Variants in CCDC3 observed in about 807,000 individuals in gnomAD.
CCDC3 encodes coiled-coil domain-containing protein 3.
In CCDC3, 24 loss-of-function variants were observed where a neutral mutation model predicts 21.4. The ratio of observed to expected loss-of-function variants is 1.12; its 90% CI spans 0.81 to 1.58. CCDC3 has a LOEUF of 1.58. Ranked by LOEUF, CCDC3 falls within the 40% of genes most tolerant of loss-of-function variation. The pLI, the probability that CCDC3 is intolerant of heterozygous loss-of-function variation, is 0.00. For synonymous variants in CCDC3, 186 were observed against 166.0 expected, an observed-to-expected ratio of 1.12 and a Z score of -0.93; for missense variants, 425 against 360.9, an observed-to-expected ratio of 1.18 and a Z score of -1.44.
At chr10:13,052,119 G>C (rs1419345893) in intron 4 of CCDC3, among the ~76,000 whole-genome samples, 2 of 152,144 alleles carry the variant, frequency 1.3e-5, no homozygotes, top group Non-Finnish European at 2.9e-5. Flanking sequence ...ACACACCTGT[G>C]ATCCCAGCGC....
chr10:13,015,754 C>T (rs1186853271), intron 5 of CCDC3, among the ~76,000 whole-genome samples: 2 of 151,964 alleles, frequency 1.3e-5, no homozygotes, highest in African/African-American at 4.8e-5. Context: ...CCGATGAACC[C>T]CCAACTTGGG....
rs923269211 is a variant in CCDC3, at chr10:13,084,412, T to C, written c.-502-10312A>G. Among the ~76,000 whole-genome samples, 8 of 151,610 alleles carry C rather than the reference T, an allele frequency of 5.3e-5. 1 individual carries two copies. In the South Asian group the frequency reaches 1.7e-3, roughly 32 times the overall value. On this transcript the variant is annotated intron_variant, in intron 3 of 6. Transcript: ENST00000378839. ...CAAGCGATTCTTGTGCCTCAGCCTC[T>C]CAAGTAGCTGAGATTACAGGGATGC...
intron 1 of CCDC3, among the ~76,000 whole-genome samples, chr10:12,999,240 CA>C (rs1554760205): frequency 6.6e-6 from 1 of 151,766 alleles, no homozygotes; most frequent in South Asian, 2.1e-4. Context: ...GACGCCATCT[CA>C]AAAAAAGAAC....
intron 5 of CCDC3, among the ~76,000 whole-genome samples, chr10:13,048,205 T>A (rs1836553286): frequency 6.6e-6 from 1 of 152,182 alleles, no homozygotes; most frequent in African/African-American, 2.4e-5. Context: ...CCCAATTATT[T>A]TTTTTTAGAC....
At chr10:13,027,630 G>A (rs1289801083) in intron 5 of CCDC3, among the ~76,000 whole-genome samples, 2 of 151,544 alleles carry the variant, frequency 1.3e-5, no homozygotes, top group Non-Finnish European at 2.9e-5. Flanking sequence ...AGGATTGCTT[G>A]AGCTTGGGAG....
intron 2 of CCDC3, among the ~76,000 whole-genome samples, chr10:12,989,072 G>A (rs1835641877): frequency 6.6e-6 from 1 of 152,210 alleles, no homozygotes; most frequent in Non-Finnish European, 1.5e-5. Flanking sequence ...AGAGTCTCCT[G>A]AGTCTCAGCC....
At chr10:12,909,560 T>G (rs1213540252) in intron 2 of CCDC3, among the ~76,000 whole-genome samples, 1 of 152,172 alleles carries the variant, frequency 6.6e-6, no homozygotes, top group Non-Finnish European at 1.5e-5. Flanking sequence ...AACAGGTCAT[T>G]GGCCCAGTCA....
chr10:12,898,251 C>A lies in CCDC3; in HGVS notation c.*165G>T. On this transcript the variant is annotated 3_prime_UTR_variant, in exon 3 of 3. Coordinates refer to ENST00000378825, the MANE Select transcript of CCDC3 (RefSeq NM_031455.4). ...GTGGGGTCTGACATTGAGGCCAGCACCCAAGGGGAAAGCAAGCCTTGCATT... is the reference window on the plus strand; with the variant it reads ...GTGGGGTCTGACATTGAGGCCAGCAACCAAGGGGAAAGCAAGCCTTGCATT... 1.2e-6 allele frequency: 1 copy of A among 841,548 alleles called. No homozygotes were observed. The highest frequency in any genetic ancestry group is 1.8e-6 in the Non-Finnish European group (1 of 556,098). 52.1% of individuals were successfully genotyped at this position (841,548 alleles called of 1,614,324 possible).
intron 2 of CCDC3, among the ~76,000 whole-genome samples, chr10:12,928,922 G>A (rs937929203): frequency 6.6e-6 from 1 of 152,160 alleles, no homozygotes; most frequent in South Asian, 2.1e-4. Flanking sequence ...GCACCTGGTT[G>A]ACTTCACCTG....
At chr10:13,076,962 C>T (rs1048129641) in intron 3 of CCDC3, among the ~76,000 whole-genome samples, 9 of 152,140 alleles carry the variant, frequency 5.9e-5, no homozygotes, top group African/African-American at 2.2e-4. Context: ...GAGAGGGATG[C>T]CCTCTCTCAC....
intron 4 of CCDC3, among the ~76,000 whole-genome samples, chr10:13,063,394 A>G (rs547334305): frequency 6.6e-6 from 1 of 152,296 alleles, no homozygotes; most frequent in South Asian, 2.1e-4. Flanking sequence ...TATACACTCC[A>G]TGAAACTGAA....
chr10:12,977,712 A>G (rs1470790427), intron 2 of CCDC3, among the ~76,000 whole-genome samples: 1 of 152,240 alleles, frequency 6.6e-6, no homozygotes, highest in African/African-American at 2.4e-5. Context: ...TTCAAACCAT[A>G]GGAAAGATTT....
At chr10:13,061,271 C>T (rs1836753845) in intron 4 of CCDC3, among the ~76,000 whole-genome samples, 1 of 152,182 alleles carries the variant, frequency 6.6e-6, no homozygotes, top group African/African-American at 2.4e-5. Context: ...CCTCACAGAA[C>T]TGCTGTTACT....
At chr10:13,074,622 T>G (rs1324936662) in intron 3 of CCDC3, among the ~76,000 whole-genome samples, 4 of 151,854 alleles carry the variant, frequency 2.6e-5, no homozygotes, top group Non-Finnish European at 5.9e-5. Flanking sequence ...CTACAATACT[T>G]TCTCCTTACC....
intron 2 of CCDC3, among the ~76,000 whole-genome samples, chr10:12,907,880 T>C (rs769538654): frequency 3.2e-4 from 49 of 152,098 alleles, no homozygotes; most frequent in Non-Finnish European, 6.3e-4. Context: ...TGCTAGATGA[T>C]GGAAAACCTG....
At chr10:12,996,950 T>C (rs1184777079) in intron 2 of CCDC3, among the ~76,000 whole-genome samples, 4 of 152,052 alleles carry the variant, frequency 2.6e-5, no homozygotes, top group Admixed American at 6.5e-5. Context: ...AGGGTGAGGA[T>C]GGAAAAACTA....
chr10:12,986,760 G>A (rs1356905022), intron 2 of CCDC3, among the ~76,000 whole-genome samples: 10 of 144,680 alleles, frequency 6.9e-5, no homozygotes, highest in East Asian at 2.1e-4. Flanking sequence ...GCGGCAGAGC[G>A]AGACTCCGTC....
At chr10:13,025,088 C>T (rs1191883259) in intron 5 of CCDC3, among the ~76,000 whole-genome samples, 1 of 152,192 alleles carries the variant, frequency 6.6e-6, no homozygotes, top group African/African-American at 2.4e-5. Context: ...ATTACTTCTT[C>T]CAATTCTGTG....
chr10:12,956,368 T>C (rs1406720361), intron 2 of CCDC3, among the ~76,000 whole-genome samples: 5 of 152,146 alleles, frequency 3.3e-5, no homozygotes, highest in African/African-American at 9.7e-5. Context: ...TAGATGAAGG[T>C]CAGGGTCCTC....
Sources: gnomAD v4.1 joint callset for allele counts (sites outside exome capture counted in the v4.1 genomes callset) on GRCh38, gnomAD v4.1.1 for gene constraint, MANE v1.5 for transcripts, NCBI Gene and HGNC (gene_info 2026-07-23, HGNC 2026-07-21) for gene names.